Variants in KCTD8 observed in about 807,000 individuals in gnomAD.
KCTD8 encodes the protein BTB/POZ domain-containing protein KCTD8.
Under a neutral mutation model 31.5 loss-of-function variants are expected in KCTD8, and 27 were observed. The ratio of observed to expected loss-of-function variants is 0.86; its 90% CI spans 0.63 to 1.18. KCTD8 has a LOEUF of 1.18. Ranked by LOEUF, KCTD8 falls within the 50% of genes most tolerant of loss-of-function variation. KCTD8 has a pLI of 0.00. For synonymous variants in KCTD8, 290 were observed against 280.0 expected (o/e 1.04, Z -0.36); for missense variants, 658 against 647.7 (o/e 1.02, Z -0.17).
intron 1 of KCTD8, among the ~76,000 whole-genome samples, chr4:44,307,027 A>G (rs1388249276): frequency 6.6e-6 from 1 of 152,016 alleles, no homozygotes; most frequent in Admixed American, 6.6e-5. Flanking sequence ...TCCAATATGT[A>G]ATTAATTGCT....
intron 1 of KCTD8, among the ~76,000 whole-genome samples, chr4:44,409,272 G>C (rs962204239): frequency 2.0e-5 from 3 of 151,650 alleles, no homozygotes; most frequent in African/African-American, 7.3e-5. Context: ...AAGGAAGGAA[G>C]GGAGGGAGGG....
chr4:44,180,034 T>C (rs989950025), intron 1 of KCTD8, among the ~76,000 whole-genome samples: 2 of 152,156 alleles, frequency 1.3e-5, no homozygotes, highest in Non-Finnish European at 2.9e-5. Flanking sequence ...ACATGAATGA[T>C]AATTTAAATA....
chr4:44,287,219 C>G (rs75246076), intron 1 of KCTD8, among the ~76,000 whole-genome samples: 2 of 151,774 alleles, frequency 1.3e-5, no homozygotes, highest in Admixed American at 1.3e-4. Context: ...GAGTTCAAGA[C>G]CAGCCTGGAC....
chr4:44,367,831 T>G lies in KCTD8; in HGVS notation c.961+79732A>C, dbSNP rs145171616. 3.5e-3 allele frequency among the ~76,000 whole-genome samples: 532 copies of G among 151,968 alleles called. 3 individuals are homozygous for G. Among genetic ancestry groups the G allele is most frequent in the South Asian group, 7.3e-3 (35 of 4,814 alleles). ...AAGATACTCATGATTTGATATAACC[T>G]TTAAAGCTTTCATTGTAGGTTGCTA... is the stretch of plus-strand genomic sequence containing the variant. On this transcript the variant is annotated intron_variant, in intron 1 of 1. Transcript: ENST00000360029.
rs1382339520 is a variant in KCTD8, at chr4:44,413,363, GA to G, written c.961+34199del. Among the ~76,000 whole-genome samples the G allele has an allele frequency of 5.9e-5, 9 of 152,128 alleles. No homozygotes were observed. In the East Asian group the frequency reaches 1.7e-3, roughly 29 times the overall value. ...GTTTGATGGAAGTAAACTGGTAACTGAAACTTTAAAACACAATCTTTGGAAA... is the reference window on the plus strand; with the variant it reads ...GTTTGATGGAAGTAAACTGGTAACTGAACTTTAAAACACAATCTTTGGAAA... On this transcript the variant is annotated intron_variant, in intron 1 of 1. Coordinates refer to ENST00000360029, the MANE Select transcript of KCTD8 (RefSeq NM_198353.3).
chr4:44,422,652 T>C (rs1475326623), intron 1 of KCTD8, among the ~76,000 whole-genome samples: 1 of 152,062 alleles, frequency 6.6e-6, no homozygotes, highest in Non-Finnish European at 1.5e-5. Flanking sequence ...TTTCAGGGTA[T>C]AGTAGAATGA....
At chr4:44,272,702 T>C (rs1477105365) in intron 1 of KCTD8, among the ~76,000 whole-genome samples, 1 of 152,048 alleles carries the variant, frequency 6.6e-6, no homozygotes, top group Non-Finnish European at 1.5e-5. Flanking sequence ...AACAGATCTA[T>C]TTTTATGTTA....
intron 1 of KCTD8, among the ~76,000 whole-genome samples, chr4:44,250,010 C>T (rs373303565): frequency 9.9e-5 from 15 of 151,786 alleles, no homozygotes; most frequent in African/African-American, 2.4e-4. Flanking sequence ...CAAATGGTGT[C>T]GATTTTGTAG....
At chr4:44,251,202 A>G (rs534281071) in intron 1 of KCTD8, among the ~76,000 whole-genome samples, 1 of 151,808 alleles carries the variant, frequency 6.6e-6, no homozygotes, top group South Asian at 2.1e-4. Context: ...ATGTCTTCAC[A>G]GATATCAAAA....
intron 1 of KCTD8, among the ~76,000 whole-genome samples, chr4:44,354,555 T>C (rs1181224083): frequency 1.3e-5 from 2 of 152,166 alleles, no homozygotes; most frequent in African/African-American, 4.8e-5. Flanking sequence ...CTCCTCTTCC[T>C]GGATCATTTA....
chr4:44,428,078 C>A (rs183244113), intron 1 of KCTD8, among the ~76,000 whole-genome samples: 44 of 151,368 alleles, frequency 2.9e-4, no homozygotes, highest in Admixed American at 1.6e-3. Context: ...CAGAGACAGA[C>A]CAGAGCACAT....
intron 1 of KCTD8, among the ~76,000 whole-genome samples, chr4:44,248,104 AACACTT>A (rs909187880): frequency 6.6e-6 from 1 of 151,994 alleles, no homozygotes; most frequent in African/African-American, 2.4e-5. Flanking sequence ...TGACTTTTTT[AACACTT>A]ACATGACAAT....
chr4:44,342,036 G>T (rs1718911584), intron 1 of KCTD8, among the ~76,000 whole-genome samples: 1 of 152,122 alleles, frequency 6.6e-6, no homozygotes, highest in East Asian at 1.9e-4. Flanking sequence ...CTCCATCGGA[G>T]TTCTTGGGTG....
chr4:44,213,871 C>CCACAGG, intron 1 of KCTD8, among the ~76,000 whole-genome samples: 1 of 152,130 alleles, frequency 6.6e-6, no homozygotes, highest in Non-Finnish European at 1.5e-5. Flanking sequence ...TGTTGAGAAA[C>CCACAGG]CACAGGCACA....
chr4:44,179,933 G>A (rs995608785), intron 1 of KCTD8, among the ~76,000 whole-genome samples: 14 of 152,146 alleles, frequency 9.2e-5, no homozygotes, highest in East Asian at 3.9e-4. Context: ...GTGGATGCCC[G>A]CTAATTGCAG....
At chr4:44,270,218 AT>A (rs1205213999) in intron 1 of KCTD8, among the ~76,000 whole-genome samples, 1 of 152,096 alleles carries the variant, frequency 6.6e-6, no homozygotes, top group Non-Finnish European at 1.5e-5. Flanking sequence ...ACCATAAAAA[AT>A]GATGAGTTCA....
At chr4:44,441,090 G>A (rs1721800123) in intron 1 of KCTD8, among the ~76,000 whole-genome samples, 1 of 152,150 alleles carries the variant, frequency 6.6e-6, no homozygotes, top group Non-Finnish European at 1.5e-5. Context: ...CTGATAGGCA[G>A]ATGACACCTA....
intron 1 of KCTD8, among the ~76,000 whole-genome samples, chr4:44,404,315 T>C (rs1720734980): frequency 6.6e-6 from 1 of 152,198 alleles, no homozygotes; most frequent in Non-Finnish European, 1.5e-5. Context: ...AGACATTAAA[T>C]TCCTTGCTAT....
chr4:44,392,399 T>A (rs2109450787), intron 1 of KCTD8, among the ~76,000 whole-genome samples: 1 of 152,102 alleles, frequency 6.6e-6, no homozygotes, highest in Admixed American at 6.6e-5. Context: ...TTTTCCATAT[T>A]AATAAAACAC....
Sources: allele counts gnomAD v4.1 joint callset (sites outside exome capture counted in the v4.1 genomes callset), GRCh38; gene constraint gnomAD v4.1.1; transcripts MANE v1.5; gene names NCBI Gene and HGNC (gene_info 2026-07-23, HGNC 2026-07-21).